RABGAP1L: variants seen among roughly 807,000 people sequenced by gnomAD.
The protein encoded by RABGAP1L is rab GTPase-activating protein 1-like.
A neutral mutation model predicts 137.7 loss-of-function variants in RABGAP1L; 63 were observed. That is an observed-to-expected ratio of 0.46 (90% confidence interval 0.37 to 0.56). The LOEUF (loss-of-function observed/expected upper bound fraction) is 0.56. Among genes scored for constraint, RABGAP1L ranks in the 20% least tolerant of loss-of-function variants. The pLI is 0.00. For synonymous variants in RABGAP1L, 431 were observed against 433.7 expected (o/e 0.99, Z 0.08); for missense variants, 1,095 against 1,244.0 (o/e 0.88, Z 1.80).
intron 18 of RABGAP1L, among the ~76,000 whole-genome samples, chr1:174,802,283 A>C (rs1219408618): frequency 6.6e-6 from 1 of 152,184 alleles, no homozygotes; most frequent in Non-Finnish European, 1.5e-5. Flanking sequence ...TTAGAGCCTA[A>C]GTAATAATGC....
intron 15 of RABGAP1L, among the ~76,000 whole-genome samples, chr1:174,687,686 T>G (rs1678582655): frequency 6.6e-6 from 1 of 152,248 alleles, no homozygotes; most frequent in South Asian, 2.1e-4. Flanking sequence ...TCTTACTGAC[T>G]AATTTGTTAT....
chr1:174,562,590 G>A (rs1667294990), intron 13 of RABGAP1L, among the ~76,000 whole-genome samples: 1 of 152,166 alleles, frequency 6.6e-6, no homozygotes, highest in Non-Finnish European at 1.5e-5. Context: ...CAATAGCAAA[G>A]ACTTGGAACC....
At chr1:174,946,898 C>A (rs1666860044) in intron 19 of RABGAP1L, among the ~76,000 whole-genome samples, 3 of 25,002 alleles carry the variant, frequency 1.2e-4, no homozygotes, top group Non-Finnish European at 2.0e-4. Context: ...GAGACTCCAT[C>A]TCAAAAAAAA....
chr1:174,758,425 T>G (rs1387729737), intron 18 of RABGAP1L, among the ~76,000 whole-genome samples: 1 of 152,182 alleles, frequency 6.6e-6, no homozygotes, highest in Non-Finnish European at 1.5e-5. Flanking sequence ...TATTTTTATT[T>G]TTTTTAATCC....
intron 17 of RABGAP1L, among the ~76,000 whole-genome samples, chr1:174,712,720 G>A (rs1270655086): frequency 6.6e-6 from 1 of 152,164 alleles, no homozygotes; most frequent in Non-Finnish European, 1.5e-5. Context: ...GTTCTTAAAT[G>A]GATATATCCT....
At position 174,994,699 on chromosome 1, in the gene RABGAP1L, T is replaced by A. The variant is rs1558319458; in HGVS notation, c.*4698T>A. On this transcript the variant is annotated 3_prime_UTR_variant, in exon 26 of 26. Transcript: ENST00000681986. ...GCTGGAGATGGTCCCAGATCCAAGATGTCCCAAAAGCCTTTTGTATCAGTT... is the reference window on the plus strand; with the variant it reads ...GCTGGAGATGGTCCCAGATCCAAGAAGTCCCAAAAGCCTTTTGTATCAGTT... 6.6e-6 allele frequency: 1 copy of A among 152,232 alleles called. No homozygotes were observed. Among genetic ancestry groups the A allele is most frequent in the Non-Finnish European group, 1.5e-5 (1 of 68,040 alleles). The allele number at this position is 152,232 out of a possible 1,614,324, so 9.4% of individuals were successfully genotyped here. A position where few individuals can be genotyped will look rare whatever the true frequency, so the allele number is the denominator to read the frequency against.
At chr1:174,160,649 A>G (rs554138272) in intron 1 of RABGAP1L, among the ~76,000 whole-genome samples, 13 of 152,312 alleles carry the variant, frequency 8.5e-5, no homozygotes, top group Non-Finnish European at 1.8e-4. Flanking sequence ...AAATGATTTT[A>G]AGGCCTTTAT....
chr1:174,849,288 A>C (rs919410721), intron 19 of RABGAP1L, among the ~76,000 whole-genome samples: 1 of 152,174 alleles, frequency 6.6e-6, no homozygotes, highest in African/African-American at 2.4e-5. Flanking sequence ...TACTTTCACT[A>C]TCACATATGA....
intron 12 of RABGAP1L, among the ~76,000 whole-genome samples, chr1:174,383,572 C>T (rs186078387): frequency 3.3e-4 from 50 of 152,334 alleles, no homozygotes; most frequent in African/African-American, 1.1e-3. Flanking sequence ...TCCGTCACCG[C>T]TTTCTTTGAC....
intron 10 of RABGAP1L, among the ~76,000 whole-genome samples, chr1:174,291,211 T>C (rs1408765552): frequency 6.6e-6 from 1 of 152,160 alleles, no homozygotes; most frequent in East Asian, 1.9e-4. Context: ...CAAATATTTT[T>C]CTGCATCTTT....
At chr1:174,313,314 G>A (rs764023415) in intron 11 of RABGAP1L, among the ~76,000 whole-genome samples, 4 of 152,152 alleles carry the variant, frequency 2.6e-5, no homozygotes, top group Non-Finnish European at 4.4e-5. Flanking sequence ...TTGTAATTTG[G>A]TATCCTGTAA....
intron 19 of RABGAP1L, among the ~76,000 whole-genome samples, chr1:174,915,985 T>A (rs1463387758): frequency 6.6e-6 from 1 of 152,068 alleles, no homozygotes; most frequent in Non-Finnish European, 1.5e-5. Flanking sequence ...CTTGGCCTAA[T>A]CCAAGACTGC....
At position 174,272,407 on chromosome 1, in the gene RABGAP1L, T is replaced by G; in HGVS notation, c.987-7T>G. ...TATTTCTCCTTTTTTTCCCCCAATA[T>G]TTTCAGATGTTTTGGAATGTTATTA... On this transcript the variant is annotated splice_region_variant and splice_polypyrimidine_tract_variant and intron_variant, in intron 7 of 25. Transcript: ENST00000681986. 1 of 1,601,114 alleles carries G rather than the reference T, an allele frequency of 6.2e-7. No individual in the cohort carries two copies.
chr1:174,442,238 C>A (rs1654239672), intron 13 of RABGAP1L, among the ~76,000 whole-genome samples: 1 of 111,680 alleles, frequency 9.0e-6, no homozygotes, highest in African/African-American at 5.1e-5. Context: ...ATTTATTTTT[C>A]TTGTACTAGA....
At chr1:174,242,154 C>T (rs1016964840) in intron 5 of RABGAP1L, among the ~76,000 whole-genome samples, 2 of 152,070 alleles carry the variant, frequency 1.3e-5, no homozygotes, top group African/African-American at 4.8e-5. Flanking sequence ...ATATTTTGCT[C>T]CAGAGAACTG....
chr1:174,197,099 G>C (rs1468703603), intron 1 of RABGAP1L, among the ~76,000 whole-genome samples: 2 of 152,136 alleles, frequency 1.3e-5, no homozygotes, highest in African/African-American at 4.8e-5. Flanking sequence ...TATTTATTTA[G>C]CTTTTTAAAA....
chr1:174,380,431 G>A (rs931846282), intron 12 of RABGAP1L, among the ~76,000 whole-genome samples: 5 of 150,964 alleles, frequency 3.3e-5, no homozygotes, highest in Non-Finnish European at 7.4e-5. Context: ...ACTCTTTTTG[G>A]TTGGTAAACT....
intron 18 of RABGAP1L, among the ~76,000 whole-genome samples, chr1:174,777,201 T>G (rs1686592041): frequency 2.0e-5 from 3 of 152,246 alleles, no homozygotes; most frequent in Non-Finnish European, 4.4e-5. Context: ...TTTTTTTCTT[T>G]TTATGTGATG....
At chr1:174,273,859 A>C (rs1019916196) in intron 8 of RABGAP1L, among the ~76,000 whole-genome samples, 1 of 152,156 alleles carries the variant, frequency 6.6e-6, no homozygotes, top group Non-Finnish European at 1.5e-5. Flanking sequence ...CTTTGAGTCC[A>C]TATCTAAATC....
Sources: gnomAD v4.1 joint callset for allele counts (sites outside exome capture counted in the v4.1 genomes callset) on GRCh38, gnomAD v4.1.1 for gene constraint, MANE v1.5 for transcripts, NCBI Gene and HGNC (gene_info 2026-07-23, HGNC 2026-07-21) for gene names.